The following HTR7 variants were observed in gnomAD, a reference collection of about 807,000 sequenced individuals.
HTR7 encodes 5-HT-7.
In HTR7, 16 loss-of-function variants were observed where a neutral mutation model predicts 34.0. The ratio of observed to expected loss-of-function variants is 0.47; its 90% CI spans 0.32 to 0.71. The LOEUF is 0.71. Ranked by LOEUF, HTR7 falls within the 30% of genes least tolerant of loss-of-function variation. The pLI, the probability that HTR7 is intolerant of heterozygous loss-of-function variation, is 0.04. For missense variants in HTR7, 504 were observed against 625.5 expected (o/e 0.81, Z 2.07); for synonymous variants, 265 against 260.2 (o/e 1.02, Z -0.18).
In HTR7 at chr10:90,857,779, T is replaced by A. The variant is rs565628134; in HGVS notation, c.-108A>T. 399 of 1,158,332 alleles carry A rather than the reference T, an allele frequency of 3.4e-4. 1 individual carries two copies. The Admixed American group carries it at 3.5e-3, about 10-fold the overall frequency. 71.8% of individuals were successfully genotyped at this position (1,158,332 alleles called of 1,614,324 possible). The stretch of plus-strand genomic sequence containing the variant: ...GGTTCCGCTCCGCCCGGCCCAGCCA[T>A]GGGGCCCGCGCCGACCGCTGGGGGG... On this transcript the variant is annotated 5_prime_UTR_variant, in exon 1 of 4. An upstream start codon of the reference 5' UTR is lost. Coordinates refer to ENST00000336152, the MANE Select transcript of HTR7 (RefSeq NM_019859.4). This position sits in a 1 kb window ranked among gnomAD's most constrained non-coding sequence, Gnocchi z 6.5.
intron 1 of HTR7, among the ~76,000 whole-genome samples, chr10:90,827,997 C>G (rs1338402482): frequency 6.6e-6 from 1 of 152,094 alleles, no homozygotes; most frequent in East Asian, 1.9e-4. Flanking sequence ...TTCAAAAAAA[C>G]TGAAAGAATA....
At chr10:90,843,002 C>T (rs1846353843) in intron 1 of HTR7, among the ~76,000 whole-genome samples, 1 of 152,236 alleles carries the variant, frequency 6.6e-6, no homozygotes. Flanking sequence ...CTCAAGTAAA[C>T]TTCTCCACTG....
intron 3 of HTR7, among the ~76,000 whole-genome samples, chr10:90,742,886 T>C (rs1225241393): frequency 6.6e-6 from 1 of 152,170 alleles, no homozygotes; most frequent in African/African-American, 2.4e-5. Context: ...TAAATAATGA[T>C]TACCAATGAG....
At chr10:90,837,223 T>C (rs915640694) in intron 1 of HTR7, among the ~76,000 whole-genome samples, 7 of 152,228 alleles carry the variant, frequency 4.6e-5, no homozygotes, top group African/African-American at 1.7e-4. Flanking sequence ...ATTCATTAAT[T>C]TATCCATCCA....
At chr10:90,796,022 A>G (rs1246823715) in intron 1 of HTR7, among the ~76,000 whole-genome samples, 1 of 152,218 alleles carries the variant, frequency 6.6e-6, no homozygotes, top group Non-Finnish European at 1.5e-5. Context: ...AATAGATTGT[A>G]TAAATGTTTC....
intron 1 of HTR7, among the ~76,000 whole-genome samples, chr10:90,774,976 G>A (rs527815092): frequency 5.3e-5 from 8 of 152,284 alleles, no homozygotes; most frequent in East Asian, 3.9e-4. Context: ...ACATGACTGC[G>A]TGCAGCAGAG....
At chr10:90,825,743 A>C (rs1846062104) in intron 1 of HTR7, among the ~76,000 whole-genome samples, 1 of 152,252 alleles carries the variant, frequency 6.6e-6, no homozygotes, top group African/African-American at 2.4e-5. Context: ...TCTTAATAGC[A>C]GAACTGACCA....
intron 2 of HTR7, among the ~76,000 whole-genome samples, chr10:90,744,388 A>G (rs1239068603): frequency 6.6e-6 from 1 of 151,652 alleles, no homozygotes; most frequent in Non-Finnish European, 1.5e-5. Context: ...AAACAAGCCA[A>G]TGAAGAGACT....
intron 2 of HTR7, among the ~76,000 whole-genome samples, chr10:90,747,197 T>C (rs1443587791): frequency 6.6e-6 from 1 of 152,202 alleles, no homozygotes; most frequent in Non-Finnish European, 1.5e-5. Flanking sequence ...GCATAGCATG[T>C]AGCGGGTGTT....
At chr10:90,770,737 C>G (rs1238244856) in intron 1 of HTR7, among the ~76,000 whole-genome samples, 1 of 152,244 alleles carries the variant, frequency 6.6e-6, no homozygotes, top group Non-Finnish European at 1.5e-5. Flanking sequence ...GGCAGCTCGG[C>G]ACTGGCCTGC....
At chr10:90,811,170 G>C (rs936591631) in intron 1 of HTR7, among the ~76,000 whole-genome samples, 1 of 152,072 alleles carries the variant, frequency 6.6e-6, no homozygotes. Flanking sequence ...CTGTGCAGTC[G>C]GAATTCTTAC....
At chr10:90,777,140 A>C (rs1845229265) in intron 1 of HTR7, among the ~76,000 whole-genome samples, 1 of 152,194 alleles carries the variant, frequency 6.6e-6, no homozygotes, top group Non-Finnish European at 1.5e-5. Context: ...CAAAGGACCC[A>C]ACATCCTTCT....
chr10:90,832,662 C>T (rs1846196833), intron 1 of HTR7, among the ~76,000 whole-genome samples: 1 of 152,182 alleles, frequency 6.6e-6, no homozygotes, highest in African/African-American at 2.4e-5. Context: ...TCAAGCATGG[C>T]CAGAATGGGC....
At chr10:90,837,350 C>T (rs1225020666) in intron 1 of HTR7, among the ~76,000 whole-genome samples, 1 of 152,196 alleles carries the variant, frequency 6.6e-6, no homozygotes, top group African/African-American at 2.4e-5. Flanking sequence ...GAATATAAGA[C>T]ACTTACATAA....
At chr10:90,765,970 T>A (rs1845015685) in intron 1 of HTR7, among the ~76,000 whole-genome samples, 1 of 152,202 alleles carries the variant, frequency 6.6e-6, no homozygotes, top group Non-Finnish European at 1.5e-5. Context: ...GTTCTGTGTG[T>A]GCTTGAGAAG....
chr10:90,841,576 G>A (rs953115332), intron 1 of HTR7, among the ~76,000 whole-genome samples: 7 of 152,098 alleles, frequency 4.6e-5, no homozygotes, highest in Admixed American at 4.6e-4. Flanking sequence ...GGTTTTAGAT[G>A]AGACTATAAA....
At chr10:90,821,130 A>C (rs1845973494) in intron 1 of HTR7, among the ~76,000 whole-genome samples, 1 of 103,884 alleles carries the variant, frequency 9.6e-6, no homozygotes, top group South Asian at 2.8e-4. Context: ...ACACACACAC[A>C]CATGCACACA....
intron 1 of HTR7, among the ~76,000 whole-genome samples, chr10:90,756,669 CAAAA>C (rs1564671153): frequency 6.6e-6 from 1 of 151,564 alleles, no homozygotes; most frequent in South Asian, 2.1e-4. Context: ...TATTATTAAA[CAAAA>C]AAGAGAGTTT....
chr10:90,832,714 G>C (rs751817834), intron 1 of HTR7, among the ~76,000 whole-genome samples: 1 of 152,218 alleles, frequency 6.6e-6, no homozygotes, highest in Non-Finnish European at 1.5e-5. Flanking sequence ...AGGGCTGTGA[G>C]AGCTGCCAGC....
Sources: gnomAD v4.1 joint callset for allele counts (sites outside exome capture counted in the v4.1 genomes callset) on GRCh38, gnomAD v4.1.1 for gene constraint, Gnocchi (gnomAD v3.1) non-coding constraint, MANE v1.5 for transcripts, NCBI Gene and HGNC (gene_info 2026-07-23, HGNC 2026-07-21) for gene names.